The following GULP1 variants were observed in gnomAD, a reference collection of about 807,000 sequenced individuals.
GULP1 encodes the protein GULP PTB domain containing engulfment adaptor 1.
Under a neutral mutation model 40.9 loss-of-function variants are expected in GULP1, and 19 were observed. That is an observed-to-expected ratio of 0.46 (90% CI 0.32 to 0.68). The LOEUF is 0.68. Ranked by LOEUF, GULP1 falls within the 30% of genes least tolerant of loss-of-function variation. The probability of loss-of-function intolerance (pLI) is 0.03; values close to 1 mark genes in which losing one functional copy is unlikely to be tolerated. For synonymous variants in GULP1, 119 were observed against 117.6 expected, an observed-to-expected ratio of 1.01 and a Z score of -0.08; for missense variants, 312 against 362.2, an observed-to-expected ratio of 0.86 and a Z score of 1.12.
intron 5 of GULP1, among the ~76,000 whole-genome samples, chr2:188,526,947 A>G (rs1686315916): frequency 6.6e-6 from 1 of 152,278 alleles, no homozygotes; most frequent in East Asian, 1.9e-4. Flanking sequence ...TTTGAGCACA[A>G]TTAATTCATC....
chr2:188,528,185 A>T (rs996821216), intron 5 of GULP1, among the ~76,000 whole-genome samples: 2 of 152,102 alleles, frequency 1.3e-5, no homozygotes, highest in Admixed American at 6.6e-5. Flanking sequence ...TTTGACAAAT[A>T]TTTTTTAGTA....
chr2:188,386,409 G>A (rs1424791553), intron 2 of GULP1, among the ~76,000 whole-genome samples: 2 of 152,070 alleles, frequency 1.3e-5, no homozygotes, highest in African/African-American at 4.8e-5. Context: ...TGAAATTTGG[G>A]TGGGGATACA....
intron 7 of GULP1, among the ~76,000 whole-genome samples, chr2:188,559,183 C>T (rs1439976915): frequency 6.6e-6 from 1 of 152,162 alleles, no homozygotes; most frequent in Non-Finnish European, 1.5e-5. Flanking sequence ...GTTTTCTGGG[C>T]CTGGCCCAGG....
At chr2:188,335,714 A>G (rs190787134) in intron 1 of GULP1, among the ~76,000 whole-genome samples, 2 of 152,356 alleles carry the variant, frequency 1.3e-5, no homozygotes, top group Admixed American at 6.5e-5. Context: ...AAGTGACAAC[A>G]AAAGCCTATT....
chr2:188,306,268 G>A (rs913085500), intron 1 of GULP1, among the ~76,000 whole-genome samples: 1 of 152,016 alleles, frequency 6.6e-6, no homozygotes, highest in African/African-American at 2.4e-5. Flanking sequence ...GAACATTTCA[G>A]CCCTTAGGGT....
chr2:188,407,602 G>A (rs182180087), intron 2 of GULP1, among the ~76,000 whole-genome samples: 26 of 152,210 alleles, frequency 1.7e-4, no homozygotes, highest in Admixed American at 4.6e-4. Flanking sequence ...AAGGTGTCTT[G>A]TGTAAGCCTG....
chr2:188,294,596 A>G (rs1026384650), intron 1 of GULP1, among the ~76,000 whole-genome samples: 7 of 152,270 alleles, frequency 4.6e-5, no homozygotes, highest in Non-Finnish European at 7.4e-5. Flanking sequence ...GTTAAAACAA[A>G]CAAACAAACA....
At chr2:188,348,945 A>G (rs891741682) in intron 1 of GULP1, among the ~76,000 whole-genome samples, 2 of 152,228 alleles carry the variant, frequency 1.3e-5, no homozygotes, top group African/African-American at 4.8e-5. Context: ...TCAATAGTAG[A>G]TGGAAATTAT....
In GULP1 at chr2:188,347,009, T is replaced by A. The variant is rs183730672; in HGVS notation, c.-171-36754T>A. The stretch of plus-strand genomic sequence containing the variant: ...ATTGTTTTGCTTTTAGAGAGTGCAT[T>A]GTTCTTTACAGCTGATAAAGCACTG... On this transcript the variant is annotated intron_variant, in intron 1 of 11. Transcript: ENST00000409830. Among the ~76,000 whole-genome samples the A allele has an allele frequency of 6.3e-4, 96 of 152,160 alleles. No individual in the cohort carries two copies. In the East Asian group the frequency reaches 0.015, roughly 24 times the overall value.
At chr2:188,403,100 G>A (rs574308297) in intron 2 of GULP1, among the ~76,000 whole-genome samples, 2 of 152,022 alleles carry the variant, frequency 1.3e-5, no homozygotes, top group Non-Finnish European at 2.9e-5. Flanking sequence ...GTATTCCCTT[G>A]TCATCTTATT....
chr2:188,352,716 G>A (rs1405616818), intron 1 of GULP1, among the ~76,000 whole-genome samples: 2 of 150,994 alleles, frequency 1.3e-5, no homozygotes, highest in African/African-American at 2.4e-5. Flanking sequence ...TTAAACTTAT[G>A]TGTATGTTTC....
intron 2 of GULP1, among the ~76,000 whole-genome samples, chr2:188,445,932 C>T (rs1433638951): frequency 2.0e-5 from 3 of 152,152 alleles, no homozygotes; most frequent in Non-Finnish European, 4.4e-5. Flanking sequence ...GTTGCAGGGA[C>T]TGATCATTTA....
intron 4 of GULP1, among the ~76,000 whole-genome samples, chr2:188,510,822 C>A (rs10931364): frequency 0.97 from 144,184 of 149,140 alleles, 69,867 homozygotes; most frequent in South Asian, 1. Flanking sequence ...AAAAAAAAAA[C>A]AACAACAAAA....
chr2:188,535,598 C>T lies in GULP1; in HGVS notation c.262-5583C>T, dbSNP rs150753561. On this transcript the variant is annotated intron_variant, in intron 6 of 11. Coordinates refer to ENST00000409830, the MANE Select transcript of GULP1 (RefSeq NM_016315.4). Reference sequence around the variant, plus strand: ...TATCCAATCTACCGTTAATGGGCACCTCGGTTAATTACATGTCATTGCCAT... The same window carrying T: ...TATCCAATCTACCGTTAATGGGCACTTCGGTTAATTACATGTCATTGCCAT... Among the ~76,000 whole-genome samples, 531 of 152,072 alleles carry T rather than the reference C, an allele frequency of 3.5e-3. 1 individual carries two copies. The highest frequency in any genetic ancestry group is 7.0e-3 in the Admixed American group (107 of 15,260).
intron 2 of GULP1, among the ~76,000 whole-genome samples, chr2:188,399,335 T>C (rs1467771119): frequency 6.6e-6 from 1 of 152,020 alleles, no homozygotes; most frequent in African/African-American, 2.4e-5. Context: ...TTAATGTTCT[T>C]CCTCTCACAC....
intron 5 of GULP1, among the ~76,000 whole-genome samples, chr2:188,525,101 ATTTACAG>A (rs1240219543): frequency 2.6e-5 from 4 of 151,978 alleles, no homozygotes; most frequent in African/African-American, 7.2e-5. Flanking sequence ...TTTTTAGAGA[ATTTACAG>A]TTTATAAATT....
chr2:188,464,847 G>T (rs1214254538), intron 2 of GULP1, among the ~76,000 whole-genome samples: 11 of 152,142 alleles, frequency 7.2e-5, no homozygotes. Flanking sequence ...AAGGCCTAAT[G>T]GCTATTTAAT....
chr2:188,335,908 T>G (rs2152096539), intron 1 of GULP1, among the ~76,000 whole-genome samples: 1 of 152,326 alleles, frequency 6.6e-6, no homozygotes, highest in Admixed American at 6.5e-5. Context: ...CATGAGGGCT[T>G]TCTGATTTAG....
chr2:188,408,748 A>G (rs1175992628), intron 2 of GULP1, among the ~76,000 whole-genome samples: 3 of 152,200 alleles, frequency 2.0e-5, no homozygotes, highest in African/African-American at 7.2e-5. Context: ...AACATTCTCC[A>G]TGATAGATCA....
Sources: allele counts gnomAD v4.1 joint callset (sites outside exome capture counted in the v4.1 genomes callset), GRCh38; gene constraint gnomAD v4.1.1; transcripts MANE v1.5; gene names NCBI Gene and HGNC (gene_info 2026-07-23, HGNC 2026-07-21).